The following PRELID2 variants were observed in gnomAD, a reference collection of about 807,000 sequenced individuals.
The protein encoded by PRELID2 is PRELI domain-containing protein 2.
In PRELID2, 25 loss-of-function variants were observed where a neutral mutation model predicts 28.4. The ratio of observed to expected loss-of-function variants is 0.88; its 90% CI spans 0.64 to 1.23. PRELID2 has a LOEUF of 1.23. PRELID2 is among the 50% of genes most tolerant of loss of function. The pLI is 0.00. For missense variants in PRELID2, 201 were observed against 214.4 expected (o/e 0.94, Z 0.39); for synonymous variants, 76 against 71.6 (o/e 1.06, Z -0.31).
intron 1 of PRELID2, among the ~76,000 whole-genome samples, chr5:145,654,877 T>C (rs1754366100): frequency 6.6e-6 from 1 of 152,124 alleles, no homozygotes; most frequent in Non-Finnish European, 1.5e-5. Context: ...CTATTCAACA[T>C]AGTGTTGGAA....
intron 1 of PRELID2, among the ~76,000 whole-genome samples, chr5:145,544,935 A>G (rs1752773169): frequency 6.6e-6 from 1 of 152,136 alleles, no homozygotes; most frequent in South Asian, 2.1e-4. Context: ...CTTTAGTTGC[A>G]TTCAATTCCA....
chr5:145,696,156 C>CTTTTTTTTTTTTTT (rs10591669), intron 1 of PRELID2, among the ~76,000 whole-genome samples: 2 of 60,004 alleles, frequency 3.3e-5, no homozygotes, highest in Admixed American at 1.9e-4. Flanking sequence ...TAAATAATAG[C>CTTTTTTTTTTTTTT]TTTTTTTTTT....
At chr5:145,316,154 T>C in the PRELID2 span, among the ~76,000 whole-genome samples, 1 of 152,218 alleles carries the variant, frequency 6.6e-6, no homozygotes, top group South Asian at 2.1e-4. Flanking sequence ...AATAAGGGTC[T>C]GTATATTGCT....
chr5:145,717,345 T>C (rs186832171), intron 1 of PRELID2, among the ~76,000 whole-genome samples: 5 of 152,252 alleles, frequency 3.3e-5, no homozygotes, highest in South Asian at 2.1e-4. Context: ...ACAGTAGTTA[T>C]GGCTGGTTGC....
At chr5:145,586,947 CA>C (rs1753161455) in intron 1 of PRELID2, among the ~76,000 whole-genome samples, 1 of 152,010 alleles carries the variant, frequency 6.6e-6, no homozygotes, top group Non-Finnish European at 1.5e-5. Context: ...AAGAAAGAGA[CA>C]GGGGAGGAAC....
chr5:145,755,002 G>A (rs746040228), downstream of PRELID2, among the ~76,000 whole-genome samples: 2 of 152,150 alleles, frequency 1.3e-5, no homozygotes, highest in Non-Finnish European at 2.9e-5. Flanking sequence ...CCCAGATCAG[G>A]TGCAGACAAG....
intron 1 of PRELID2, among the ~76,000 whole-genome samples, chr5:145,751,247 C>T (rs1757115436): frequency 6.6e-6 from 1 of 152,186 alleles, no homozygotes; most frequent in Non-Finnish European, 1.5e-5. Context: ...CATGATGCTG[C>T]TGATGGCAAG....
chr5:145,761,943 T>A (rs1757495829), intron 6 of PRELID2, among the ~76,000 whole-genome samples: 1 of 152,076 alleles, frequency 6.6e-6, no homozygotes, highest in Non-Finnish European at 1.5e-5. Context: ...ATAGGCATAT[T>A]TCAAACTTGA....
chr5:145,636,777 T>C (rs1754008576), intron 1 of PRELID2, among the ~76,000 whole-genome samples: 1 of 152,198 alleles, frequency 6.6e-6, no homozygotes, highest in African/African-American at 2.4e-5. Context: ...GGGCATAGGT[T>C]CCAAACTTTG....
chr5:145,600,434 A>AATATATATATATAT (rs1299956414), intron 1 of PRELID2, among the ~76,000 whole-genome samples: 3 of 120,110 alleles, frequency 2.5e-5, no homozygotes, highest in African/African-American at 8.2e-5. Flanking sequence ...AAAAAAAAAA[A>AATATATATATATAT]ATATATATAT....
the PRELID2 span, among the ~76,000 whole-genome samples, chr5:145,381,123 C>G: frequency 7.9e-5 from 12 of 152,234 alleles, no homozygotes; most frequent in East Asian, 5.8e-4. Flanking sequence ...TTTAAAGGCC[C>G]TAAGAGTGAT....
At chr5:145,577,043 G>T (rs1753067037) in intron 1 of PRELID2, among the ~76,000 whole-genome samples, 1 of 152,112 alleles carries the variant, frequency 6.6e-6, no homozygotes. Context: ...AGACACAGTG[G>T]TTCCAGGCTT....
At chr5:145,835,140 G>A (rs1463857305) in intron 1 of PRELID2, 37 bp downstream of exon 1, 9 of 1,448,736 alleles carry the variant, frequency 6.2e-6, no homozygotes, top group Middle Eastern at 1.8e-4. Context: ...AGCAGCGGAG[G>A]CAGCGCGGGA....
chr5:145,454,534 T>C, the PRELID2 span, among the ~76,000 whole-genome samples: 85 of 152,262 alleles, frequency 5.6e-4, 2 homozygotes, highest in African/African-American at 2.0e-3. Flanking sequence ...GAAAACCCCA[T>C]TGTCTCAGCC....
the PRELID2 span, among the ~76,000 whole-genome samples, chr5:145,442,948 G>A: frequency 1.6e-4 from 24 of 152,010 alleles, no homozygotes; most frequent in South Asian, 1.2e-3. Context: ...TAGAAGAGCC[G>A]TGGCAAGATG....
At chr5:145,266,248 A>T in the PRELID2 span, among the ~76,000 whole-genome samples, 1 of 152,070 alleles carries the variant, frequency 6.6e-6, no homozygotes. Flanking sequence ...ACAAGAAATG[A>T]GGAGGGGGAT....
chr5:145,240,129 C>T, the PRELID2 span, among the ~76,000 whole-genome samples: 1 of 151,918 alleles, frequency 6.6e-6, no homozygotes, highest in Non-Finnish European at 1.5e-5. Flanking sequence ...TAGATGGTTC[C>T]TCATAATGGT....
the PRELID2 span, among the ~76,000 whole-genome samples, chr5:145,454,628 C>T: frequency 6.6e-6 from 1 of 152,270 alleles, no homozygotes; most frequent in African/African-American, 2.4e-5. Context: ...CATTCTTATA[C>T]ACCAATAACA....
intron 5 of PRELID2, among the ~76,000 whole-genome samples, chr5:145,783,879 G>GT (rs962071232): frequency 3.3e-5 from 5 of 152,168 alleles, no homozygotes; most frequent in Non-Finnish European, 5.9e-5. Flanking sequence ...AATATCCACT[G>GT]TTTTTTAGAA....
Sources: allele counts gnomAD v4.1 joint callset (sites outside exome capture counted in the v4.1 genomes callset), GRCh38; gene constraint gnomAD v4.1.1; transcripts MANE v1.5; gene names NCBI Gene and HGNC (gene_info 2026-07-23, HGNC 2026-07-21).